The following STAT1 variants were observed in gnomAD, a reference collection of about 807,000 sequenced individuals.
STAT1 encodes the protein signal transducer and activator of transcription 1-alpha/beta.
STAT1 carries 24 observed loss-of-function variants against 111.7 expected under a neutral mutation model. That is an observed-to-expected ratio of 0.21 (90% CI 0.16 to 0.30). STAT1 has a LOEUF of 0.30. STAT1 is among the 10% of genes least tolerant of loss of function. The pLI is 1.00. For synonymous variants in STAT1, 332 were observed against 326.5 expected (o/e 1.02, Z -0.18); for missense variants, 351 against 911.9 (o/e 0.38, Z 7.92).
rs1692207849 is a variant in STAT1, at chr2:190,979,717, T to C, written c.1727+55A>G. 2.2e-5 allele frequency: 32 copies of C among 1,427,580 alleles called. No homozygotes were observed. The highest frequency in any genetic ancestry group is 3.1e-5 in the Non-Finnish European group (31 of 1,010,430). The allele number at this position is 1,427,580 out of a possible 1,614,324, so 88.4% of individuals were successfully genotyped here. A position where few individuals can be genotyped will look rare whatever the true frequency, so the allele number is the denominator to read the frequency against. On this transcript the variant is annotated intron_variant, in intron 20 of 24. Coordinates refer to ENST00000361099, the MANE Select transcript of STAT1 (RefSeq NM_007315.4). This position sits in a 1 kb window ranked among gnomAD's most constrained non-coding sequence, Gnocchi z 5.8. ...ACTGAAGCTGGACTCAGGCCTTGTC[T>C]CAACCTCGCAGCACTAAAAATATGT... is the stretch of plus-strand genomic sequence containing the variant.
chr2:190,975,302 A>T lies in STAT1; in HGVS notation c.2136-370T>A. The T allele has an allele frequency of 2.1e-6, 1 of 477,702 alleles. No homozygotes were observed. The allele number at this position is 477,702 out of a possible 1,614,324, so 29.6% of individuals were successfully genotyped here. On this transcript the variant is annotated intron_variant, in intron 23 of 24. Transcript: ENST00000361099. This position sits in a 1 kb window ranked among gnomAD's most constrained non-coding sequence, Gnocchi z 5.9. ...CAGAGAAATGTCTGGGGAGTCCCTC[A>T]TCCCTACCTTGAGGTTTGAATGCAG...
chr2:190,991,707 T>G (rs527916967), intron 10 of STAT1, among the ~76,000 whole-genome samples: 4 of 151,894 alleles, frequency 2.6e-5, no homozygotes, highest in Admixed American at 1.3e-4. Context: ...ATTTGTTTTT[T>G]TTTTTTTAAT....
intron 6 of STAT1, 45 bp downstream of exon 6, chr2:191,001,028 CT>C: frequency 6.8e-7 from 1 of 1,477,720 alleles, no homozygotes; most frequent in Non-Finnish European, 9.5e-7. Flanking sequence ...CTTTTTTCCC[CT>C]ACAGAAAGTT....
chr2:191,001,177 G>C lies in STAT1; in HGVS notation c.373-14C>G, dbSNP rs1227239065. Reference sequence around the variant, plus strand: ...CCCCGACTGAGCCTGTAATGGGAAGGGCATGATTATAGCCATCGTTTTCTT... The same window carrying C: ...CCCCGACTGAGCCTGTAATGGGAAGCGCATGATTATAGCCATCGTTTTCTT... On this transcript the variant is annotated splice_polypyrimidine_tract_variant and intron_variant, in intron 5 of 24. Coordinates refer to ENST00000361099, the MANE Select transcript of STAT1 (RefSeq NM_007315.4). 2 of 1,605,568 alleles carry C rather than the reference G, an allele frequency of 1.2e-6. No homozygotes were observed. The highest frequency in any genetic ancestry group is 2.2e-5 in the East Asian group (1 of 44,828).
rs2125065567 is a variant in STAT1 at position 190,996,107 on chromosome 2, T to C, written c.786-888A>G. Among the ~76,000 whole-genome samples the C allele has an allele frequency of 6.6e-6, 1 of 152,190 alleles. No individual in the cohort carries two copies. The highest frequency in any genetic ancestry group is 1.9e-4 in the East Asian group (1 of 5,186). ...CAGGAAGAGAGGAAGGAATGATGAT[T>C]CTGGTTTCACTCAACTGAAAGGAGA... is the stretch of plus-strand genomic sequence containing the variant. On this transcript the variant is annotated intron_variant, in intron 9 of 24. Transcript: ENST00000361099. This position sits in a 1 kb window ranked among gnomAD's most constrained non-coding sequence, Gnocchi z 4.5.
Position 190,971,593 on chromosome 2 carries a change from T to C in STAT1, c.2239-876A>G, listed in dbSNP as rs1204156858. Among the ~76,000 whole-genome samples the C allele has an allele frequency of 6.6e-6, 1 of 152,178 alleles. No homozygotes were observed. Among genetic ancestry groups the C allele is most frequent in the Admixed American group, 6.5e-5 (1 of 15,278 alleles). ...TGGAGAACTTTTTTTTAATCCCAAG[T>C]GCTCAATAGTGTGTGGTACATAGTG... On this transcript the variant is annotated intron_variant, in intron 24 of 24. Coordinates refer to ENST00000361099, the MANE Select transcript of STAT1 (RefSeq NM_007315.4). This position sits in a 1 kb window ranked among gnomAD's most constrained non-coding sequence, Gnocchi z 4.1.
Position 191,007,742 on chromosome 2 carries a change from T to C in STAT1, c.274-81A>G. ...TGTGTATTGTAAGTTGATATGAATTTGTTTATATTCTCCGGGAAACCTCAT... is the reference window on the plus strand; with the variant it reads ...TGTGTATTGTAAGTTGATATGAATTCGTTTATATTCTCCGGGAAACCTCAT... On this transcript the variant is annotated intron_variant, in intron 4 of 24. Coordinates refer to ENST00000361099, the MANE Select transcript of STAT1 (RefSeq NM_007315.4). This position sits in a 1 kb window ranked among gnomAD's most constrained non-coding sequence, Gnocchi z 4.2. The C allele has an allele frequency of 9.5e-7, 1 of 1,051,562 alleles. No individual in the cohort carries two copies. Among genetic ancestry groups the C allele is most frequent in the Non-Finnish European group, 1.5e-6 (1 of 678,854 alleles). The allele number at this position is 1,051,562 out of a possible 1,614,324, so 65.1% of individuals were successfully genotyped here.
At position 190,980,797 on chromosome 2, in the gene STAT1, G is replaced by C. The variant is rs1047187639; in HGVS notation, c.1583-128C>G. The C allele has an allele frequency of 5.5e-5, 51 of 922,498 alleles. No individual in the cohort carries two copies. Among genetic ancestry groups the C allele is most frequent in the Non-Finnish European group, 7.5e-5 (43 of 570,938 alleles). The allele number at this position is 922,498 out of a possible 1,614,324, so 57.1% of individuals were successfully genotyped here. A position where few individuals can be genotyped will look rare whatever the true frequency, so the allele number is the denominator to read the frequency against. ...ACCCAACAAAGATTGTATGTACACA[G>C]TTGACATTTTCGGATACCTTAATGC... is the stretch of plus-strand genomic sequence containing the variant. On this transcript the variant is annotated intron_variant, in intron 18 of 24. Coordinates refer to ENST00000361099, the MANE Select transcript of STAT1 (RefSeq NM_007315.4). This position sits in a 1 kb window ranked among gnomAD's most constrained non-coding sequence, Gnocchi z 6.1.
At chr2:191,002,785 A>T (rs1694372712) in intron 5 of STAT1, among the ~76,000 whole-genome samples, 1 of 152,136 alleles carries the variant, frequency 6.6e-6, no homozygotes, top group South Asian at 2.1e-4. Flanking sequence ...ATGGAGATAT[A>T]TATATTTTTT....
rs1172333600 is a variant in STAT1 at position 190,977,928 on chromosome 2, T to C, written c.1874-903A>G. ...AAGAAAAGTATTCCAGAAAAACAAA[T>C]AGAACAAGAAGAGTATTCCTGAAAA... is the stretch of plus-strand genomic sequence containing the variant. On this transcript the variant is annotated intron_variant, in intron 21 of 24. Transcript: ENST00000361099. This position sits in a 1 kb window ranked among gnomAD's most constrained non-coding sequence, Gnocchi z 4.7. Among the ~76,000 whole-genome samples the C allele has an allele frequency of 6.7e-6, 1 of 149,764 alleles. No homozygotes were observed. The highest frequency in any genetic ancestry group is 1.5e-5 in the Non-Finnish European group (1 of 67,362).
In STAT1 at chr2:190,999,605, A is replaced by AC. The variant is rs748808343; in HGVS notation, c.541+20dup. 4.2e-5 allele frequency: 67 copies of AC among 1,589,258 alleles called. No homozygotes were observed. Among genetic ancestry groups the AC allele is most frequent in the Non-Finnish European group, 5.6e-5 (65 of 1,157,422 alleles). On this transcript the variant is annotated intron_variant, in intron 7 of 24. Coordinates refer to ENST00000361099, the MANE Select transcript of STAT1 (RefSeq NM_007315.4). This position sits in a 1 kb window ranked among gnomAD's most constrained non-coding sequence, Gnocchi z 4.1. ...GAAAAAATTGCAGCCAACGGGCACC[A>AC]CTTCAGTTGTGAACCCTTACCTCTG...
chr2:190,978,807 A>T lies in STAT1; in HGVS notation c.1873+49T>A. On this transcript the variant is annotated intron_variant, in intron 21 of 24. Transcript: ENST00000361099. The surrounding 1 kb of genome is among the most constrained non-coding windows in gnomAD (Gnocchi z 6.1). ...AGCTGACTGGCGGCGATGAAGAGGG[A>T]CTTCACACACATGGAATGGTGGGAC... The T allele has an allele frequency of 6.2e-7, 1 of 1,609,178 alleles. No homozygotes were observed. Among genetic ancestry groups the T allele is most frequent in the East Asian group, 2.2e-5 (1 of 44,814 alleles).
At position 190,995,646 on chromosome 2, in the gene STAT1, T is replaced by C. The variant is rs1245904113; in HGVS notation, c.786-427A>G. Among the ~76,000 whole-genome samples the C allele has an allele frequency of 6.6e-6, 1 of 152,146 alleles. No individual in the cohort carries two copies. Among genetic ancestry groups the C allele is most frequent in the Non-Finnish European group, 1.5e-5 (1 of 68,026 alleles). ...TGGGTGGGGACACGGCCAAACCATA[T>C]GGCATGGAAACCAACAAGTGGTTAT... On this transcript the variant is annotated intron_variant, in intron 9 of 24. Coordinates refer to ENST00000361099, the MANE Select transcript of STAT1 (RefSeq NM_007315.4). This position sits in a 1 kb window ranked among gnomAD's most constrained non-coding sequence, Gnocchi z 4.2.
At position 190,983,512 on chromosome 2, in the gene STAT1, T is replaced by G; in HGVS notation, c.1446+130A>C. The G allele has an allele frequency of 1.2e-6, 1 of 843,068 alleles. No homozygotes were observed. Among genetic ancestry groups the G allele is most frequent in the Non-Finnish European group, 2.0e-6 (1 of 487,996 alleles). The allele number at this position is 843,068 out of a possible 1,614,324, so 52.2% of individuals were successfully genotyped here. A position where few individuals can be genotyped will look rare whatever the true frequency, so the allele number is the denominator to read the frequency against. ...ATATTCCCAGATTTACTCAAAAGCC[T>G]TAGAAATACCACAGGAGCTTTGTCA... On this transcript the variant is annotated intron_variant, in intron 17 of 24. Coordinates refer to ENST00000361099, the MANE Select transcript of STAT1 (RefSeq NM_007315.4). This position sits in a 1 kb window ranked among gnomAD's most constrained non-coding sequence, Gnocchi z 5.7.
At position 190,997,251 on chromosome 2, in the gene STAT1, T is replaced by C. The variant is rs1490271994; in HGVS notation, c.785+605A>G. On this transcript the variant is annotated intron_variant, in intron 9 of 24. Transcript: ENST00000361099. The surrounding 1 kb of genome is among the most constrained non-coding windows in gnomAD (Gnocchi z 7.3). ...TGAGTCAGCACAAGGCCACTTCCTC[T>C]ATGAAACCTTCCCTGGAGATGCTTT... Among the ~76,000 whole-genome samples the C allele has an allele frequency of 6.6e-6, 1 of 152,258 alleles. No homozygotes were observed. Among genetic ancestry groups the C allele is most frequent in the Non-Finnish European group, 1.5e-5 (1 of 68,038 alleles).
rs993049912 is a variant in STAT1 at position 190,998,514 on chromosome 2, T to A, written c.542-206A>T. ...AAACAAAATACTTGTTTTCAAAAATTAGCCGGGCGCAGTGGCAGACGCCTG... is the reference window on the plus strand; with the variant it reads ...AAACAAAATACTTGTTTTCAAAAATAAGCCGGGCGCAGTGGCAGACGCCTG... On this transcript the variant is annotated intron_variant, in intron 7 of 24. Transcript: ENST00000361099. The surrounding 1 kb of genome is among the most constrained non-coding windows in gnomAD (Gnocchi z 4.1). Among the ~76,000 whole-genome samples, 1 of 151,996 alleles carries A rather than the reference T, an allele frequency of 6.6e-6. No individual in the cohort carries two copies. The highest frequency in any genetic ancestry group is 1.5e-5 in the Non-Finnish European group (1 of 68,000).
chr2:191,005,311 C>T (rs1302878739), intron 5 of STAT1, among the ~76,000 whole-genome samples: 1 of 152,184 alleles, frequency 6.6e-6, no homozygotes, highest in Non-Finnish European at 1.5e-5. Flanking sequence ...CCATTCCATA[C>T]ACATATACTT....
Position 190,993,475 on chromosome 2 carries a change from C to A in STAT1, c.944+1586G>T. On this transcript the variant is annotated intron_variant, in intron 10 of 24. Coordinates refer to ENST00000361099, the MANE Select transcript of STAT1 (RefSeq NM_007315.4). This position sits in a 1 kb window ranked among gnomAD's most constrained non-coding sequence, Gnocchi z 4.1. ...AGCTTTCTGTATATGTTATCATCTG[C>A]AAACCTAAGAAGGAGGCAAGACTTT... 8.5e-7 allele frequency: 1 copy of A among 1,175,342 alleles called. No homozygotes were observed. Among genetic ancestry groups the A allele is most frequent in the Admixed American group, 2.0e-5 (1 of 51,078 alleles). 72.8% of individuals were successfully genotyped at this position (1,175,342 alleles called of 1,614,324 possible).
chr2:191,009,162 C>T, intron 3 of STAT1, 55 bp from the exon 4 acceptor site: 1 of 1,581,210 alleles, frequency 6.3e-7, no homozygotes, highest in Non-Finnish European at 8.7e-7. Flanking sequence ...CTATGTAAAA[C>T]AGACAAAACA....
Sources: allele counts gnomAD v4.1 joint callset (sites outside exome capture counted in the v4.1 genomes callset), GRCh38; gene constraint gnomAD v4.1.1; non-coding constraint Gnocchi (gnomAD v3.1); transcripts MANE v1.5; gene names NCBI Gene and HGNC (gene_info 2026-07-23, HGNC 2026-07-21).